Variants in SDK1 observed in about 807,000 individuals in gnomAD.
SDK1 encodes sidekick cell adhesion molecule 1.
In SDK1, 157 loss-of-function variants were observed where a neutral mutation model predicts 245.5. The observed-to-expected ratio is 0.64, with a 90% CI of 0.56 to 0.73. The LOEUF (loss-of-function observed/expected upper bound fraction) is 0.73. Ranked by LOEUF, SDK1 falls within the 30% of genes least tolerant of loss-of-function variation. The pLI is 0.00. For synonymous variants in SDK1, 1,647 were observed against 1,278.5 expected, an observed-to-expected ratio of 1.29 and a Z score of -6.15; for missense variants, 3,583 against 3,002.3, an observed-to-expected ratio of 1.19 and a Z score of -4.52.
chr7:3,317,481 C>T (rs1327960899), intron 1 of SDK1, among the ~76,000 whole-genome samples: 6 of 152,148 alleles, frequency 3.9e-5, no homozygotes, highest in African/African-American at 9.7e-5. Flanking sequence ...CCTTCATCTT[C>T]GCTCCTCATT....
At chr7:3,974,066 C>A (rs550121775) in intron 12 of SDK1, among the ~76,000 whole-genome samples, 1 of 151,402 alleles carries the variant, frequency 6.6e-6, no homozygotes, top group East Asian at 2.0e-4. Context: ...CATCTGTGGT[C>A]CCAGCTACTC....
intron 1 of SDK1, among the ~76,000 whole-genome samples, chr7:3,355,306 A>G (rs1348971594): frequency 6.6e-6 from 1 of 152,196 alleles, no homozygotes; most frequent in Admixed American, 6.5e-5. Flanking sequence ...AAAATGTCCC[A>G]TTAACGATTT....
intron 1 of SDK1, among the ~76,000 whole-genome samples, chr7:3,572,547 A>G (rs890808733): frequency 1.3e-5 from 2 of 152,062 alleles, no homozygotes; most frequent in Non-Finnish European, 2.9e-5. Flanking sequence ...TGAGCCCAAC[A>G]TAAGAGTGCC....
Position 3,505,356 on chromosome 7 carries a change from A to G in SDK1, c.299-113724A>G, listed in dbSNP as rs538958008. Among the ~76,000 whole-genome samples, 91 of 152,136 alleles carry G rather than the reference A, an allele frequency of 6.0e-4. 1 individual carries two copies. The highest frequency in any genetic ancestry group is 2.0e-3 in the African/African-American group (84 of 41,498). ...CAAACCCCTTGGCTCAAGGAATCCA[A>G]TCCTCCTGCCTCTGCCTCCCAAGTA... On this transcript the variant is annotated intron_variant, in intron 1 of 44. Transcript: ENST00000404826.
Position 4,267,024 on chromosome 7 carries a change from A to G in SDK1, c.*1640A>G, listed in dbSNP as rs1788511013. ...TTACCTAGATGTTTTGTGCACCTCC[A>G]TGGGCAGAGGGTGTGGATATTGCCT... On this transcript the variant is annotated 3_prime_UTR_variant, in exon 45 of 45. Transcript: ENST00000404826. 1.0e-6 allele frequency: 1 copy of G among 985,568 alleles called. No individual in the cohort carries two copies. The highest frequency in any genetic ancestry group is 1.2e-6 in the Non-Finnish European group (1 of 830,048). 61.1% of individuals were successfully genotyped at this position (985,568 alleles called of 1,614,324 possible). A position where few individuals can be genotyped will look rare whatever the true frequency, so the allele number is the denominator to read the frequency against.
chr7:3,941,074 C>G (rs190503851), intron 5 of SDK1, among the ~76,000 whole-genome samples: 57 of 152,202 alleles, frequency 3.7e-4, no homozygotes, highest in African/African-American at 1.3e-3. Context: ...CCGTCTGTCT[C>G]CTGAGCTTTC....
chr7:4,268,523 C>G lies in SDK1; in HGVS notation c.*3139C>G. On this transcript the variant is annotated 3_prime_UTR_variant, in exon 45 of 45. Transcript: ENST00000404826. ...CAGGGAGAGGGGACCCAGATGGCCA[C>G]ACACGGAACGCGCCTCCACAGCCCC... The G allele has an allele frequency of 8.1e-7, 1 of 1,228,580 alleles. No individual in the cohort carries two copies. Among genetic ancestry groups the G allele is most frequent in the Non-Finnish European group, 1.0e-6 (1 of 954,438 alleles). The allele number at this position is 1,228,580 out of a possible 1,614,324, so 76.1% of individuals were successfully genotyped here.
intron 38 of SDK1, among the ~76,000 whole-genome samples, chr7:4,217,531 A>G (rs369784380): frequency 0.011 from 728 of 64,086 alleles, 9 homozygotes; most frequent in Middle Eastern, 0.02. Flanking sequence ...GGAGCACCAC[A>G]CCACCCGGAG....
intron 2 of SDK1, among the ~76,000 whole-genome samples, chr7:3,638,005 C>G (rs1018660362): frequency 6.6e-6 from 1 of 152,236 alleles, no homozygotes; most frequent in Non-Finnish European, 1.5e-5. Context: ...TTTGGAAATT[C>G]TGATGTTCTA....
intron 4 of SDK1, among the ~76,000 whole-genome samples, chr7:3,666,343 C>T (rs1216598988): frequency 6.6e-6 from 1 of 152,222 alleles, no homozygotes; most frequent in Non-Finnish European, 1.5e-5. Context: ...GGTCTCTTGT[C>T]ATGGGACTTT....
intron 1 of SDK1, among the ~76,000 whole-genome samples, chr7:3,465,243 C>T (rs73036773): frequency 0.14 from 21,934 of 152,122 alleles, 1,560 homozygotes; most frequent in South Asian, 0.22. Context: ...AGAGGCCCTC[C>T]TGCCCAGTTG....
intron 38 of SDK1, among the ~76,000 whole-genome samples, chr7:4,213,336 T>C (rs1165603916): frequency 6.7e-6 from 1 of 149,758 alleles, no homozygotes; most frequent in African/African-American, 2.5e-5. Flanking sequence ...TGCTTAATCC[T>C]GGGAGGCGGA....
chr7:4,049,254 G>A (rs1789257573), intron 17 of SDK1, 94 bp from the exon 18 acceptor site: 3 of 863,672 alleles, frequency 3.5e-6, no homozygotes, highest in African/African-American at 3.3e-5. Context: ...TTGCCTGTGA[G>A]CATGATGGCA....
chr7:3,918,073 C>A lies in SDK1; in HGVS notation c.848-32850C>A, dbSNP rs78250001. The stretch of plus-strand genomic sequence containing the variant: ...CTTCTAGGTAGACAAAACAGAGGAA[C>A]CTTTCTTAGACTGGATCTCAGTTCA... On this transcript the variant is annotated intron_variant, in intron 5 of 44. Coordinates refer to ENST00000404826, the MANE Select transcript of SDK1 (RefSeq NM_152744.4). Among the ~76,000 whole-genome samples, 703 of 152,292 alleles carry A rather than the reference C, an allele frequency of 4.6e-3. 7 individuals are homozygous for A. The highest frequency in any genetic ancestry group is 0.016 in the African/African-American group (665 of 41,546).
intron 1 of SDK1, among the ~76,000 whole-genome samples, chr7:3,546,196 G>C (rs1583149998): frequency 1.3e-5 from 2 of 152,158 alleles, no homozygotes; most frequent in South Asian, 4.1e-4. Flanking sequence ...TTTCTGTGGA[G>C]TTCCCTGAGG....
At chr7:4,019,009 A>G (rs1786655328) in intron 17 of SDK1, among the ~76,000 whole-genome samples, 1 of 152,176 alleles carries the variant, frequency 6.6e-6, no homozygotes, top group Non-Finnish European at 1.5e-5. Context: ...CATGGATTCC[A>G]GGGTTGTGCC....
At chr7:3,848,955 C>T (rs551412544) in intron 5 of SDK1, among the ~76,000 whole-genome samples, 4 of 152,332 alleles carry the variant, frequency 2.6e-5, no homozygotes, top group African/African-American at 9.6e-5. Context: ...CAGGCGTGAG[C>T]CGCCGCGCCC....
At chr7:3,450,534 A>G (rs1224187958) in intron 1 of SDK1, among the ~76,000 whole-genome samples, 1 of 152,186 alleles carries the variant, frequency 6.6e-6, no homozygotes, top group Non-Finnish European at 1.5e-5. Flanking sequence ...GTAGATTTCT[A>G]GTTTGGAACA....
intron 1 of SDK1, among the ~76,000 whole-genome samples, chr7:3,501,073 G>C (rs1031574209): frequency 1.3e-5 from 2 of 152,050 alleles, no homozygotes; most frequent in Non-Finnish European, 2.9e-5. Context: ...TTAGATGACT[G>C]TTCATTGTAT....
Sources: allele counts gnomAD v4.1 joint callset (sites outside exome capture counted in the v4.1 genomes callset), GRCh38; gene constraint gnomAD v4.1.1; transcripts MANE v1.5; gene names NCBI Gene and HGNC (gene_info 2026-07-23, HGNC 2026-07-21).